The following DERA variants were observed in gnomAD, a reference collection of about 807,000 sequenced individuals.
The protein encoded by DERA is deoxyribose-phosphate aldolase, also known as 2-deoxy-D-ribose 5-phosphate aldolase.
In DERA, 15 loss-of-function variants were observed where a neutral mutation model predicts 41.1. The observed-to-expected ratio is 0.37, with a 90% CI of 0.24 to 0.56. The LOEUF is 0.56. DERA is among the 20% of genes least tolerant of loss of function. DERA has a pLI of 0.81. For missense variants in DERA, 396 were observed against 403.4 expected (o/e 0.98, Z 0.16); for synonymous variants, 139 against 137.4 (o/e 1.01, Z -0.08).
In DERA at chr12:15,954,620, G is replaced by A. The variant is rs1948523824; in HGVS notation, c.32-2316G>A. 6.6e-6 allele frequency among the ~76,000 whole-genome samples: 1 copy of A among 152,192 alleles called. No homozygotes were observed. The highest frequency in any genetic ancestry group is 1.5e-5 in the Non-Finnish European group (1 of 68,026). The stretch of plus-strand genomic sequence containing the variant: ...GAACTGCCAGTAGTTTAGGAAGGCT[G>A]CACCACAGAGGCAGAGGAGCAGTGA... On this transcript the variant is annotated intron_variant, in intron 1 of 8. Transcript: ENST00000428559. The surrounding 1 kb of genome is among the most constrained non-coding windows in gnomAD (Gnocchi z 4.0).
intron 5 of DERA, among the ~76,000 whole-genome samples, chr12:15,975,992 A>C (rs770947547): frequency 3.9e-5 from 6 of 152,216 alleles, no homozygotes; most frequent in Non-Finnish European, 8.8e-5. Context: ...CTCTTGTCAG[A>C]CAGATCTAGT....
At chr12:16,031,995 G>A (rs1314111361) in intron 6 of DERA, among the ~76,000 whole-genome samples, 3 of 152,156 alleles carry the variant, frequency 2.0e-5, no homozygotes, top group Non-Finnish European at 4.4e-5. Context: ...TAAGATATTT[G>A]CAAGGTATGA....
intron 1 of DERA, among the ~76,000 whole-genome samples, chr12:15,932,856 C>T (rs1948339318): frequency 6.6e-6 from 1 of 150,532 alleles, no homozygotes; most frequent in Non-Finnish European, 1.5e-5. Context: ...AGTCGTCTCT[C>T]TCCAGCCTCT....
Position 16,035,472 on chromosome 12 carries a change from T to C in DERA, c.751-760T>C, listed in dbSNP as rs544457856. ...CATGTAAATCCAGATAATCAGAGTT[T>C]TATTGTATATGGAACATATCTTTCA... On this transcript the variant is annotated intron_variant, in intron 7 of 8. Transcript: ENST00000428559. The surrounding 1 kb of genome is among the most constrained non-coding windows in gnomAD (Gnocchi z 4.1). Among the ~76,000 whole-genome samples the C allele has an allele frequency of 4.0e-4, 61 of 152,156 alleles. 1 individual carries two copies. Among genetic ancestry groups the C allele is most frequent in the Non-Finnish European group, 7.1e-4 (48 of 68,032 alleles).
chr12:15,934,318 G>A (rs1169126694), intron 1 of DERA, among the ~76,000 whole-genome samples: 3 of 152,150 alleles, frequency 2.0e-5, no homozygotes, highest in Non-Finnish European at 4.4e-5. Context: ...CCTGCGCGGT[G>A]GCTCACACCT....
chr12:16,036,384 G>A lies in DERA; in HGVS notation c.900+3G>A, dbSNP rs148622036. The A allele has an allele frequency of 4.1e-5, 65 of 1,590,396 alleles. No homozygotes were observed. In the African/African-American group the frequency reaches 7.5e-4, roughly 18 times the overall value. On this transcript the variant is annotated splice_donor_region_variant and intron_variant, in intron 8 of 8. Transcript: ENST00000428559. The surrounding 1 kb of genome is among the most constrained non-coding windows in gnomAD (Gnocchi z 4.9). ...TGCTCTCGGACATTGAGAGGCAGGT[G>A]AGTAATCATCTCTGTCTTTGGAATA...
In DERA at chr12:15,927,873, T is replaced by A. The variant is rs371362532; in HGVS notation, c.31+16459T>A. On this transcript the variant is annotated intron_variant, in intron 1 of 8. Coordinates refer to ENST00000428559, the MANE Select transcript of DERA (RefSeq NM_015954.4). ...TATAATGAGATTACACGGATGAGATTTAGATTGATATGGCATGGAATAGTG... is the reference window on the plus strand; with the variant it reads ...TATAATGAGATTACACGGATGAGATATAGATTGATATGGCATGGAATAGTG... Among the ~76,000 whole-genome samples, 6 of 152,130 alleles carry A rather than the reference T, an allele frequency of 3.9e-5. No homozygotes were observed. The South Asian group carries it at 1.0e-3, about 26-fold the overall frequency.
In DERA at chr12:15,931,482, G is replaced by C. The variant is rs1040586085; in HGVS notation, c.31+20068G>C. 4.6e-5 allele frequency among the ~76,000 whole-genome samples: 7 copies of C among 152,218 alleles called. No individual in the cohort carries two copies. The highest frequency in any genetic ancestry group is 1.4e-4 in the African/African-American group (6 of 41,460). ...TCTCTAAGGTGTAATGATTCTCTCTGTAAGTTAGGCACATTTAGGTGCTTG... is the reference window on the plus strand; with the variant it reads ...TCTCTAAGGTGTAATGATTCTCTCTCTAAGTTAGGCACATTTAGGTGCTTG... On this transcript the variant is annotated intron_variant, in intron 1 of 8. Transcript: ENST00000428559. This position sits in a 1 kb window ranked among gnomAD's most constrained non-coding sequence, Gnocchi z 4.6.
At position 15,956,932 on chromosome 12, in the gene DERA, T is replaced by C; in HGVS notation, c.32-4T>C. 1 of 1,612,214 alleles carries C rather than the reference T, an allele frequency of 6.2e-7. No homozygotes were observed. The highest frequency in any genetic ancestry group is 8.5e-7 in the Non-Finnish European group (1 of 1,178,218). ...TTCAGAAAGTGTTTTTCTGTCTGTT[T>C]TAGACCTTAGCTGGATCTCCAAAAT... On this transcript the variant is annotated splice_polypyrimidine_tract_variant and splice_region_variant and intron_variant, in intron 1 of 8. Coordinates refer to ENST00000428559, the MANE Select transcript of DERA (RefSeq NM_015954.4).
In DERA at chr12:16,030,938, G is replaced by T. The variant is rs530370666; in HGVS notation, c.638-1604G>T. ...AGACCCAAAGAAATGAAGGCTTCCA[G>T]TGACCTGCTCTGATGCATCAGTGTC... is the stretch of plus-strand genomic sequence containing the variant. On this transcript the variant is annotated intron_variant, in intron 6 of 8. Coordinates refer to ENST00000428559, the MANE Select transcript of DERA (RefSeq NM_015954.4). Among the ~76,000 whole-genome samples the T allele has an allele frequency of 1.8e-3, 267 of 152,326 alleles. 3 individuals are homozygous for T. Among genetic ancestry groups the T allele is most frequent in the African/African-American group, 6.2e-3 (257 of 41,570 alleles).
At chr12:16,005,599 G>C (rs1472400171) in intron 6 of DERA, among the ~76,000 whole-genome samples, 1 of 152,086 alleles carries the variant, frequency 6.6e-6, no homozygotes, top group Non-Finnish European at 1.5e-5. Flanking sequence ...ACATCTCATG[G>C]TCATGCAAGT....
chr12:16,009,934 A>G lies in DERA; in HGVS notation c.638-22608A>G, dbSNP rs1454296619. ...AAACTATTTATATTGTTTTCTGCTG[A>G]GCAGAAATCTAAAAACAAATGGCCT... is the stretch of plus-strand genomic sequence containing the variant. On this transcript the variant is annotated intron_variant, in intron 6 of 8. Transcript: ENST00000428559. This position sits in a 1 kb window ranked among gnomAD's most constrained non-coding sequence, Gnocchi z 5.3. Among the ~76,000 whole-genome samples the G allele has an allele frequency of 6.6e-6, 1 of 152,230 alleles. No individual in the cohort carries two copies. Among genetic ancestry groups the G allele is most frequent in the African/African-American group, 2.4e-5 (1 of 41,460 alleles).
chr12:15,982,401 ATGTC>A lies in DERA; in HGVS notation c.604_607del (p.Val202IlefsTer5), dbSNP rs764349215. The A allele has an allele frequency of 1.4e-5, 23 of 1,613,854 alleles. No homozygotes were observed. The highest frequency in any genetic ancestry group is 1.8e-5 in the Non-Finnish European group (21 of 1,179,848). On this transcript the variant is annotated frameshift_variant, in exon 6 of 9. Coordinates refer to ENST00000428559, the MANE Select transcript of DERA (RefSeq NM_015954.4). LOFTEE classifies it high-confidence loss of function. The surrounding 1 kb of genome is among the most constrained non-coding windows in gnomAD (Gnocchi z 4.0). ...ACAGGAGAACTTGGAACTCTTACTA[ATGTC>A]TATAAAGCCAGTATGATAGCAATGA...
rs183111010 is a variant in DERA, at chr12:16,001,801, G to T, written c.637+19365G>T. 3.7e-4 allele frequency among the ~76,000 whole-genome samples: 56 copies of T among 152,298 alleles called. No individual in the cohort carries two copies. The highest frequency in any genetic ancestry group is 7.5e-4 in the Non-Finnish European group (51 of 68,036). ...CTCCTGCTTCCCTGAGTCAGAAGTG[G>T]CAGGCACACTAGACGAAGCAGCATT... On this transcript the variant is annotated intron_variant, in intron 6 of 8. Coordinates refer to ENST00000428559, the MANE Select transcript of DERA (RefSeq NM_015954.4). The surrounding 1 kb of genome is among the most constrained non-coding windows in gnomAD (Gnocchi z 4.1).
rs1948961418 is a variant in DERA at position 16,013,650 on chromosome 12, G to A, written c.638-18892G>A. Among the ~76,000 whole-genome samples, 1 of 152,168 alleles carries A rather than the reference G, an allele frequency of 6.6e-6. No individual in the cohort carries two copies. Among genetic ancestry groups the A allele is most frequent in the African/African-American group, 2.4e-5 (1 of 41,436 alleles). On this transcript the variant is annotated intron_variant, in intron 6 of 8. Coordinates refer to ENST00000428559, the MANE Select transcript of DERA (RefSeq NM_015954.4). The surrounding 1 kb of genome is among the most constrained non-coding windows in gnomAD (Gnocchi z 5.8). ...TGGATTAATACAGTAAATTGGTACC[G>A]AGGTAGTGGGACACTGCTATAAGGA...
Position 15,988,999 on chromosome 12 carries a change from G to T in DERA, c.637+6563G>T, listed in dbSNP as rs1348290623. Among the ~76,000 whole-genome samples, 2 of 152,264 alleles carry T rather than the reference G, an allele frequency of 1.3e-5. No individual in the cohort carries two copies. The highest frequency in any genetic ancestry group is 4.8e-5 in the African/African-American group (2 of 41,476). Reference sequence around the variant, plus strand: ...GGCTCAGCCACAGCTTTGCTCCGCAGTGGAGAAGGCTCCAGGAGTAGGGAG... The same window carrying T: ...GGCTCAGCCACAGCTTTGCTCCGCATTGGAGAAGGCTCCAGGAGTAGGGAG... On this transcript the variant is annotated intron_variant, in intron 6 of 8. Transcript: ENST00000428559. The surrounding 1 kb of genome is among the most constrained non-coding windows in gnomAD (Gnocchi z 6.0).
intron 6 of DERA, among the ~76,000 whole-genome samples, chr12:16,022,754 G>C (rs1273330698): frequency 3.9e-5 from 6 of 152,152 alleles, no homozygotes; most frequent in Non-Finnish European, 7.3e-5. Flanking sequence ...TGCTTACCTG[G>C]AGCAGAAGCT....
At position 16,036,558 on chromosome 12, in the gene DERA, T is replaced by A; in HGVS notation, c.901-132T>A. The A allele has an allele frequency of 9.9e-7, 1 of 1,006,192 alleles. No individual in the cohort carries two copies. Among genetic ancestry groups the A allele is most frequent in the Non-Finnish European group, 1.5e-6 (1 of 688,828 alleles). 62.3% of individuals were successfully genotyped at this position (1,006,192 alleles called of 1,614,324 possible). The stretch of plus-strand genomic sequence containing the variant: ...GAAGTGAGTAGGGTGGAGATTCTGC[T>A]GAAGCACATACTAGTGAGGCTTTCT... On this transcript the variant is annotated intron_variant, in intron 8 of 8. Transcript: ENST00000428559. This position sits in a 1 kb window ranked among gnomAD's most constrained non-coding sequence, Gnocchi z 4.9.
chr12:15,930,506 C>A (rs1284125577), intron 1 of DERA, among the ~76,000 whole-genome samples: 1 of 152,040 alleles, frequency 6.6e-6, no homozygotes, highest in African/African-American at 2.4e-5. Flanking sequence ...TTTGATAAGT[C>A]TCATTGGTAC....
Sources: gnomAD v4.1 joint callset for allele counts (sites outside exome capture counted in the v4.1 genomes callset) on GRCh38, gnomAD v4.1.1 for gene constraint, Gnocchi (gnomAD v3.1) non-coding constraint, MANE v1.5 for transcripts, NCBI Gene and HGNC (gene_info 2026-07-23, HGNC 2026-07-21) for gene names.